The following JCAD variants were observed in gnomAD, a reference collection of about 807,000 sequenced individuals.
The protein encoded by JCAD is junctional cadherin 5 associated.
A neutral mutation model predicts 98.0 loss-of-function variants in JCAD; 40 were observed. The observed-to-expected ratio is 0.41, with a 90% CI of 0.32 to 0.53. The LOEUF is 0.53. Among genes scored for constraint, JCAD ranks in the 20% least tolerant of loss-of-function variants. The pLI is 0.31. For missense variants in JCAD, 1,705 were observed against 1,738.1 expected (o/e 0.98, Z 0.34); for synonymous variants, 691 against 682.3 (o/e 1.01, Z -0.20).
intron 2 of JCAD, among the ~76,000 whole-genome samples, chr10:30,031,958 T>G (rs1178751729): frequency 6.7e-6 from 1 of 150,290 alleles, no homozygotes; most frequent in East Asian, 2.0e-4. Flanking sequence ...GTTTCACTGT[T>G]TTAGCCGGGA....
At position 30,028,912 on chromosome 10, in the gene JCAD, T is replaced by C. The variant is rs778465746; in HGVS notation, c.1236A>G (p.Arg412=). The stretch of plus-strand genomic sequence containing the variant: ...CGAAGCCGTCATAGGCAGTGACAGG[T>C]CGGGGATGTGCGGGGAGCCCCTGAG... ...RLPQGLPAHP[R]PVTAYDGFVQ... is the part of the protein sequence containing the mutation. The change falls in exon 3 of 4, where the codon CGA becomes CGG. Residue 412 remains arginine (R), a synonymous_variant. Transcript: ENST00000375377. The C allele has an allele frequency of 1.1e-5, 18 of 1,613,836 alleles. No homozygotes were observed. Among genetic ancestry groups the C allele is most frequent in the Non-Finnish European group, 1.1e-5 (13 of 1,179,982 alleles).
At chr10:30,100,006 C>T (rs1838442263) in intron 1 of JCAD, among the ~76,000 whole-genome samples, 1 of 152,116 alleles carries the variant, frequency 6.6e-6, no homozygotes, top group South Asian at 2.1e-4. Flanking sequence ...ATTAGCCAAT[C>T]GGAATTAGTT....
chr10:30,026,670 C>A lies in JCAD; in HGVS notation c.3478G>T (p.Val1160Leu). The A allele has an allele frequency of 6.2e-7, 1 of 1,613,418 alleles. No individual in the cohort carries two copies. The highest frequency in any genetic ancestry group is 8.5e-7 in the Non-Finnish European group (1 of 1,180,032). The change falls in exon 3 of 4, where the codon GTA becomes TTA. Residue 1160 changes from valine to leucine, a missense_variant. By Grantham distance (32) the Val-to-Leu change is conservative. This residue lies in a region of JCAD where 1,278 missense variants were observed against 1,243.1 expected (regional missense o/e 1.03). Transcript: ENST00000375377. ...CGCCTGGCACTGTCCCTGTCCCCTA[C>A]AAAGAGAGGGCTCTTGGTCCAGCCG... is the stretch of plus-strand genomic sequence containing the variant. ...KCGWTKSPLF[V>L]GDRDSARRAP...
Position 30,026,559 on chromosome 10 carries a change from C to G in JCAD, c.3589G>C (p.Glu1197Gln), listed in dbSNP as rs753150800. The G allele has an allele frequency of 6.2e-7, 1 of 1,614,182 alleles. No homozygotes were observed. The highest frequency in any genetic ancestry group is 1.1e-5 in the South Asian group (1 of 91,080). The change falls in exon 3 of 4, where the codon GAG becomes CAG. Residue 1197 changes from glutamate to glutamine, a missense_variant. By Grantham distance (29) the Glu-to-Gln change is conservative (BLOSUM62 2). This residue lies in a region of JCAD where 1,278 missense variants were observed against 1,243.1 expected (regional missense o/e 1.03). Transcript: ENST00000375377. Reference protein sequence around the residue: ...PVPEPEPSPLESKFFEQKDVE... With the variant: ...PVPEPEPSPLQSKFFEQKDVE... ...TCCTTTTGTTCGAAGAACTTGGACT[C>G]CAAGGGGCTGGGCTCAGGCTCAGGG...
chr10:30,084,762 A>G (rs1838139600), intron 1 of JCAD, among the ~76,000 whole-genome samples: 2 of 151,960 alleles, frequency 1.3e-5, no homozygotes, highest in Admixed American at 6.6e-5. Flanking sequence ...GCATGAGCCA[A>G]TTTCTTATAA....
At chr10:30,096,348 A>G (rs748953915) in intron 1 of JCAD, among the ~76,000 whole-genome samples, 8 of 152,242 alleles carry the variant, frequency 5.3e-5, no homozygotes, top group African/African-American at 1.4e-4. Context: ...TAAGATGTGG[A>G]AAATGCTACC....
intron 1 of JCAD, among the ~76,000 whole-genome samples, chr10:30,076,191 A>G (rs1329920776): frequency 6.6e-6 from 1 of 151,642 alleles, no homozygotes; most frequent in Non-Finnish European, 1.5e-5. Flanking sequence ...ACCCGGCTAA[A>G]TTTTTTTGTA....
rs1036225644 is a variant in JCAD, at chr10:30,014,310, C to T, written c.*3573G>A. The T allele has an allele frequency of 6.6e-6, 1 of 152,222 alleles. No homozygotes were observed. The highest frequency in any genetic ancestry group is 1.5e-5 in the Non-Finnish European group (1 of 68,032). 9.4% of individuals were successfully genotyped at this position (152,222 alleles called of 1,614,324 possible). ...AACACACTCCCACCCCACATCCCGT[C>T]TTTTAAGCTTCATCTCCCCTGCATA... On this transcript the variant is annotated 3_prime_UTR_variant, in exon 4 of 4. Coordinates refer to ENST00000375377, the MANE Select transcript of JCAD (RefSeq NM_020848.4).
chr10:30,073,780 T>C (rs971750704), intron 1 of JCAD, among the ~76,000 whole-genome samples: 1 of 147,030 alleles, frequency 6.8e-6, no homozygotes, highest in Non-Finnish European at 1.5e-5. Flanking sequence ...GTACTGCAAA[T>C]CGTATGTGCC....
chr10:30,069,442 T>A (rs1213648893), intron 2 of JCAD, among the ~76,000 whole-genome samples: 7 of 65,360 alleles, frequency 1.1e-4, no homozygotes, highest in Non-Finnish European at 6.7e-5. Context: ...CTACAGAAAA[T>A]TTACAAAAAA....
upstream of JCAD, among the ~76,000 whole-genome samples, chr10:30,064,479 G>A (rs899523441): frequency 3.3e-5 from 5 of 152,274 alleles, no homozygotes; most frequent in South Asian, 1.0e-3. Context: ...GCAATGGAAG[G>A]ACTAATACGC....
intron 1 of JCAD, among the ~76,000 whole-genome samples, chr10:30,113,358 C>T (rs1200960924): frequency 6.6e-6 from 1 of 151,798 alleles, no homozygotes; most frequent in Non-Finnish European, 1.5e-5. Context: ...CAAGACCAGC[C>T]TGGCCAAAAT....
chr10:30,108,859 A>T (rs1308586151), intron 1 of JCAD, among the ~76,000 whole-genome samples: 2 of 152,158 alleles, frequency 1.3e-5, no homozygotes, highest in Non-Finnish European at 2.9e-5. Flanking sequence ...ATTAAAAAAA[A>T]AAAAAAGGAA....
At chr10:30,070,654 C>G (rs16930986) in intron 1 of JCAD, among the ~76,000 whole-genome samples, 2,504 of 152,318 alleles carry the variant, frequency 0.016, 59 homozygotes, top group African/African-American at 0.057. Flanking sequence ...ACAGATGTAG[C>G]ATTAAATCCA....
chr10:30,105,833 G>A (rs771021563), intron 1 of JCAD, among the ~76,000 whole-genome samples: 6 of 151,998 alleles, frequency 3.9e-5, no homozygotes, highest in Non-Finnish European at 5.9e-5. Flanking sequence ...TAATTGACAC[G>A]ACTGCTTTTG....
At chr10:30,102,576 C>G (rs1564473047) in intron 1 of JCAD, among the ~76,000 whole-genome samples, 1 of 152,206 alleles carries the variant, frequency 6.6e-6, no homozygotes, top group Non-Finnish European at 1.5e-5. Flanking sequence ...AACATTTATA[C>G]CTGTTAAACA....
At chr10:30,068,152 G>A (rs1837816613) in intron 2 of JCAD, among the ~76,000 whole-genome samples, 1 of 152,080 alleles carries the variant, frequency 6.6e-6, no homozygotes, top group Non-Finnish European at 1.5e-5. Context: ...ACTTCGGGGG[G>A]CCGAGGCAGG....
At chr10:30,073,150 A>G (rs771608911) in intron 1 of JCAD, among the ~76,000 whole-genome samples, 51 of 152,198 alleles carry the variant, frequency 3.4e-4, no homozygotes, top group Admixed American at 1.1e-3. Context: ...TCAGGAGGTA[A>G]CATAACCCAG....
chr10:30,093,294 A>G (rs1202757590), intron 1 of JCAD, among the ~76,000 whole-genome samples: 1 of 152,164 alleles, frequency 6.6e-6, no homozygotes, highest in Non-Finnish European at 1.5e-5. Context: ...AAAACCCGCA[A>G]TCTCCTGGTT....
Sources: allele counts gnomAD v4.1 joint callset (sites outside exome capture counted in the v4.1 genomes callset), GRCh38; gene constraint gnomAD v4.1.1; regional missense constraint gnomAD v4.1.1; transcripts MANE v1.5; gene names NCBI Gene and HGNC (gene_info 2026-07-23, HGNC 2026-07-21).